SLC23A2: variants seen among roughly 807,000 people sequenced by gnomAD.
SLC23A2 encodes the protein Na(+)/L-ascorbic acid transporter 2.
SLC23A2 carries 36 observed loss-of-function variants against 73.3 expected under a neutral mutation model. The ratio of observed to expected loss-of-function variants is 0.49; its 90% CI spans 0.38 to 0.65. The LOEUF is 0.65. SLC23A2 is among the 30% of genes least tolerant of loss of function. The pLI, the probability that SLC23A2 is intolerant of heterozygous loss-of-function variation, is 0.00. For synonymous variants in SLC23A2, 343 were observed against 327.3 expected (o/e 1.05, Z -0.52); for missense variants, 507 against 841.6 (o/e 0.60, Z 4.92).
intron 9 of SLC23A2, among the ~76,000 whole-genome samples, chr20:4,882,528 GGT>G (rs1427276384): frequency 6.6e-6 from 1 of 151,928 alleles, no homozygotes; most frequent in Non-Finnish European, 1.5e-5. Flanking sequence ...ATTCTGCTAT[GGT>G]TCCCTTTTAT....
In SLC23A2 at chr20:4,938,620, G is replaced by A. The variant is rs188243636; in HGVS notation, c.-154-5904C>T. The stretch of plus-strand genomic sequence containing the variant: ...GATTACAGGCGTGAGCCACCATGCC[G>A]GGCCCCTCATTCCATCTTGATGGCT... On this transcript the variant is annotated intron_variant, in intron 2 of 16. Transcript: ENST00000338244. Among the ~76,000 whole-genome samples the A allele has an allele frequency of 2.6e-5, 4 of 152,200 alleles. No homozygotes were observed. The East Asian group carries it at 5.8e-4, about 22-fold the overall frequency.
chr20:4,895,199 G>C (rs1931475546), intron 6 of SLC23A2, among the ~76,000 whole-genome samples: 1 of 152,220 alleles, frequency 6.6e-6, no homozygotes, highest in Non-Finnish European at 1.5e-5. Flanking sequence ...GCTGCCCTAA[G>C]CCTAAGGAAA....
intron 2 of SLC23A2, among the ~76,000 whole-genome samples, chr20:4,954,753 CTCAGTG>C (rs1014369337): frequency 2.1e-5 from 3 of 145,604 alleles, no homozygotes; most frequent in African/African-American, 7.7e-5. Context: ...AGGCATAAAA[CTCAGTG>C]TCAATTTTTG....
rs1227413414 is a variant in SLC23A2, at chr20:4,857,088, A to AT, written c.1836dup (p.Tyr613IlefsTer32). On this transcript the variant is annotated frameshift_variant, in exon 17 of 17. Coordinates refer to ENST00000338244, the MANE Select transcript of SLC23A2 (RefSeq NM_005116.6). LOFTEE classifies it high-confidence loss of function. The surrounding 1 kb of genome is among the most constrained non-coding windows in gnomAD (Gnocchi z 4.0). The stretch of plus-strand genomic sequence containing the variant: ...ATGGGTAAGTAGCTGAAGCATCTGT[A>AT]TTTTTTTATAATGTTCATGCCAAAT... The AT allele has an allele frequency of 6.2e-7, 1 of 1,613,866 alleles. No homozygotes were observed.
intron 1 of SLC23A2, among the ~76,000 whole-genome samples, chr20:4,975,524 G>A (rs2122240130): frequency 6.6e-6 from 1 of 151,912 alleles, no homozygotes; most frequent in South Asian, 2.1e-4. Flanking sequence ...GGGATTACGT[G>A]CACGCACCAC....
At chr20:4,977,473 G>A (rs368188369) in intron 1 of SLC23A2, among the ~76,000 whole-genome samples, 6 of 152,068 alleles carry the variant, frequency 3.9e-5, no homozygotes, top group African/African-American at 1.4e-4. Context: ...CAGATCACGA[G>A]GTCAGGAGTT....
At chr20:4,885,940 C>G in intron 6 of SLC23A2, 31 bp from the exon 7 acceptor site, 4 of 1,488,816 alleles carry the variant, frequency 2.7e-6, no homozygotes, top group Non-Finnish European at 3.7e-6. Context: ...ACCATGATCA[C>G]GGCATCGGGA....
intron 2 of SLC23A2, among the ~76,000 whole-genome samples, chr20:4,949,149 G>A (rs139064613): frequency 2.0e-4 from 31 of 152,072 alleles, no homozygotes; most frequent in East Asian, 1.5e-3. Context: ...GTAGCCAGGC[G>A]TGGTGGCAGG....
At chr20:4,989,064 C>A (rs2087880411) in intron 1 of SLC23A2, among the ~76,000 whole-genome samples, 1 of 151,486 alleles carries the variant, frequency 6.6e-6, no homozygotes, top group South Asian at 2.1e-4. Context: ...TGTGGTGAAA[C>A]CCCATCTCTA....
At position 4,856,927 on chromosome 20, in the gene SLC23A2, C is replaced by G. The variant is rs1929733344; in HGVS notation, c.*45G>C. ...CTTCTTGTTACTCAGCAAGGAACTA[C>G]AGATACATGCCTCACTGCGGCCAGG... On this transcript the variant is annotated 3_prime_UTR_variant, in exon 17 of 17. Transcript: ENST00000338244. This position sits in a 1 kb window ranked among gnomAD's most constrained non-coding sequence, Gnocchi z 4.6. The G allele has an allele frequency of 8.1e-7, 1 of 1,229,198 alleles. No individual in the cohort carries two copies. Among genetic ancestry groups the G allele is most frequent in the African/African-American group, 1.5e-5 (1 of 66,814 alleles). 76.1% of individuals were successfully genotyped at this position (1,229,198 alleles called of 1,614,324 possible).
At chr20:4,918,095 G>T (rs1168551626) in intron 3 of SLC23A2, among the ~76,000 whole-genome samples, 1 of 152,118 alleles carries the variant, frequency 6.6e-6, no homozygotes, top group Non-Finnish European at 1.5e-5. Context: ...TCATATTTTG[G>T]AACTTTTAAA....
chr20:4,914,504 G>A (rs762220711), intron 3 of SLC23A2, among the ~76,000 whole-genome samples: 17 of 152,134 alleles, frequency 1.1e-4, no homozygotes, highest in Non-Finnish European at 2.4e-4. Context: ...CATGCTCTTG[G>A]TGGAATGGCC....
At chr20:4,934,089 T>A (rs2086920492) in intron 2 of SLC23A2, among the ~76,000 whole-genome samples, 1 of 152,140 alleles carries the variant, frequency 6.6e-6, no homozygotes, top group African/African-American at 2.4e-5. Context: ...GTTCCATGAG[T>A]GGAATACGGA....
At chr20:4,904,321 G>T (rs1410426322) in intron 4 of SLC23A2, among the ~76,000 whole-genome samples, 2 of 152,184 alleles carry the variant, frequency 1.3e-5, no homozygotes, top group Non-Finnish European at 2.9e-5. Flanking sequence ...ACATATCACT[G>T]CTGGGAAAAC....
intron 2 of SLC23A2, among the ~76,000 whole-genome samples, chr20:4,957,333 G>A (rs759833653): frequency 6.6e-6 from 1 of 151,994 alleles, no homozygotes; most frequent in Admixed American, 6.6e-5. Flanking sequence ...ATGGTGAGGT[G>A]TGCCTGTTAT....
intron 3 of SLC23A2, among the ~76,000 whole-genome samples, chr20:4,921,525 G>A (rs1932499179): frequency 6.6e-6 from 1 of 151,460 alleles, no homozygotes; most frequent in African/African-American, 2.4e-5. Context: ...GGTCAAGGCT[G>A]CAGGAAGCTA....
Position 4,903,204 on chromosome 20 carries a change from A to G in SLC23A2, c.208-646T>C, listed in dbSNP as rs528762361. Among the ~76,000 whole-genome samples the G allele has an allele frequency of 2.2e-4, 33 of 152,114 alleles. No individual in the cohort carries two copies. In the South Asian group the frequency reaches 6.2e-3, roughly 29 times the overall value. On this transcript the variant is annotated intron_variant, in intron 4 of 16. Coordinates refer to ENST00000338244, the MANE Select transcript of SLC23A2 (RefSeq NM_005116.6). ...TTCTTCTTTTTCTCCTAACACTAGT[A>G]AAAAAAATATTTTAAAACATTAAGT...
At chr20:4,989,840 A>C (rs1168156601) in intron 1 of SLC23A2, among the ~76,000 whole-genome samples, 1 of 152,154 alleles carries the variant, frequency 6.6e-6, no homozygotes, top group Non-Finnish European at 1.5e-5. Flanking sequence ...TATCTAAGAA[A>C]CTCAAGAGAA....
At chr20:5,002,838 C>A (rs2088145792), upstream of SLC23A2, among the ~76,000 whole-genome samples, 1 of 152,196 alleles carries the variant, frequency 6.6e-6, no homozygotes, top group South Asian at 2.1e-4. Flanking sequence ...AGGGATCCCC[C>A]AACCTTGGCC....
Sources: gnomAD v4.1 joint callset for allele counts (sites outside exome capture counted in the v4.1 genomes callset) on GRCh38, gnomAD v4.1.1 for gene constraint, Gnocchi (gnomAD v3.1) non-coding constraint, MANE v1.5 for transcripts, NCBI Gene and HGNC (gene_info 2026-07-23, HGNC 2026-07-21) for gene names.